TTC39B: variants seen among roughly 807,000 people sequenced by gnomAD.
The protein encoded by TTC39B is tetratricopeptide repeat protein 39B.
In TTC39B, 92 loss-of-function variants were observed where a neutral mutation model predicts 96.6. The ratio of observed to expected loss-of-function variants is 0.95; its 90% CI spans 0.80 to 1.13. The LOEUF is 1.13. TTC39B is among the 50% of genes most tolerant of loss of function. TTC39B has a pLI of 0.00. For missense variants in TTC39B, 955 were observed against 809.3 expected, an observed-to-expected ratio of 1.18 and a Z score of -2.18; for synonymous variants, 367 against 299.4, an observed-to-expected ratio of 1.23 and a Z score of -2.33.
intron 2 of TTC39B, among the ~76,000 whole-genome samples, chr9:15,231,650 C>G (rs1821429347): frequency 6.6e-6 from 1 of 152,104 alleles, no homozygotes; most frequent in African/African-American, 2.4e-5. Flanking sequence ...TACTTTTTCT[C>G]TCAATCAAAT....
intron 8 of TTC39B, among the ~76,000 whole-genome samples, chr9:15,196,524 T>C (rs1819180419): frequency 6.6e-6 from 1 of 152,114 alleles, no homozygotes; most frequent in Non-Finnish European, 1.5e-5. Context: ...ACTACAGAGG[T>C]GTTAGAAACA....
At chr9:15,293,429 G>A (rs2185938) in intron 1 of TTC39B, among the ~76,000 whole-genome samples, 134,598 of 152,200 alleles carry the variant, frequency 0.88, 59,582 homozygotes, top group East Asian at 0.97. Context: ...TGTCCAGGTG[G>A]GGGAACAGTG....
chr9:15,235,077 G>C (rs984773018), intron 2 of TTC39B, among the ~76,000 whole-genome samples: 6 of 149,922 alleles, frequency 4.0e-5, no homozygotes, highest in Non-Finnish European at 7.4e-5. Flanking sequence ...ACAAAAAACA[G>C]AACTTCTGGA....
At chr9:15,223,985 T>C (rs1820987293) in intron 3 of TTC39B, among the ~76,000 whole-genome samples, 1 of 152,220 alleles carries the variant, frequency 6.6e-6, no homozygotes, top group African/African-American at 2.4e-5. Flanking sequence ...TCTTCCTCTC[T>C]TTGACTCCTT....
At position 15,214,268 on chromosome 9, in the gene TTC39B, G is replaced by C. The variant is rs1820375488; in HGVS notation, c.372-19C>G. On this transcript the variant is annotated intron_variant, in intron 3 of 19. Coordinates refer to ENST00000512701, the Ensembl canonical transcript of TTC39B. ...TGATGAACTAAAGATCAAGAAAAAA[G>C]CACAGAGAATTTCTATAGCTTTACG... is the stretch of plus-strand genomic sequence containing the variant. The C allele has an allele frequency of 2.5e-6, 4 of 1,581,600 alleles. No individual in the cohort carries two copies. The highest frequency in any genetic ancestry group is 3.5e-6 in the Non-Finnish European group (4 of 1,153,568).
intron 7 of TTC39B, among the ~76,000 whole-genome samples, chr9:15,200,671 A>G (rs1819481784): frequency 6.6e-6 from 1 of 152,244 alleles, no homozygotes; most frequent in African/African-American, 2.4e-5. Context: ...CGTTTTGCAT[A>G]TCCAGAGAGA....
chr9:15,262,245 T>G (rs1485544779), intron 2 of TTC39B, among the ~76,000 whole-genome samples: 1 of 152,154 alleles, frequency 6.6e-6, no homozygotes, highest in African/African-American at 2.4e-5. Flanking sequence ...ATTACAGGCA[T>G]GCGCCACAAA....
rs183422409 is a variant in TTC39B, at chr9:15,229,744, T to A, written c.276-3732A>T. On this transcript the variant is annotated intron_variant, in intron 2 of 19. Coordinates refer to ENST00000512701, the Ensembl canonical transcript of TTC39B. The stretch of plus-strand genomic sequence containing the variant: ...GCATTCTTTTGTTCCATCACATATT[T>A]GCCTCTCTCTGCACTAGTCACACCG... Among the ~76,000 whole-genome samples the A allele has an allele frequency of 1.1e-3, 161 of 152,376 alleles. 1 individual carries two copies. The highest frequency in any genetic ancestry group is 3.7e-3 in the African/African-American group (153 of 41,594).
chr9:15,217,094 A>G (rs1251769092), intron 3 of TTC39B, among the ~76,000 whole-genome samples: 4 of 152,242 alleles, frequency 2.6e-5, no homozygotes, highest in African/African-American at 9.6e-5. Flanking sequence ...TGTGATGAGC[A>G]AGGCAGAGAA....
chr9:15,277,287 G>A (rs1823580490), intron 1 of TTC39B, among the ~76,000 whole-genome samples: 1 of 152,206 alleles, frequency 6.6e-6, no homozygotes, highest in Non-Finnish European at 1.5e-5. Flanking sequence ...AATTAGTTGG[G>A]CGTGGTGGCG....
chr9:15,261,354 T>C, intron 2 of TTC39B, among the ~76,000 whole-genome samples: 1 of 152,038 alleles, frequency 6.6e-6, no homozygotes, highest in Non-Finnish European at 1.5e-5. Flanking sequence ...CACCTGCCTA[T>C]AGTCCCAGCT....
At chr9:15,288,254 A>G (rs1408700996) in intron 1 of TTC39B, among the ~76,000 whole-genome samples, 1 of 152,168 alleles carries the variant, frequency 6.6e-6, no homozygotes, top group East Asian at 1.9e-4. Context: ...CCCCATTCTC[A>G]GGCCTGGAAA....
chr9:15,298,331 G>A (rs896086835), intron 1 of TTC39B, among the ~76,000 whole-genome samples: 2 of 152,242 alleles, frequency 1.3e-5, no homozygotes, highest in South Asian at 2.1e-4. Flanking sequence ...ATATGGTAGG[G>A]CTTCTCACGC....
Position 15,203,810 on chromosome 9 carries a change from A to C in TTC39B, c.759+13T>G. 2 of 1,607,838 alleles carry C rather than the reference A, an allele frequency of 1.2e-6. No individual in the cohort carries two copies. Among genetic ancestry groups the C allele is most frequent in the South Asian group, 2.2e-5 (2 of 89,780 alleles). On this transcript the variant is annotated intron_variant, in intron 7 of 19. Transcript: ENST00000512701. Reference sequence around the variant, plus strand: ...TCCCAGCCAATACGAATTCCAAGCCAAATATTCATTACCTGCACAAACGTG... The same window carrying C: ...TCCCAGCCAATACGAATTCCAAGCCCAATATTCATTACCTGCACAAACGTG...
chr9:15,234,513 C>A (rs1183516334), intron 2 of TTC39B, among the ~76,000 whole-genome samples: 6 of 147,398 alleles, frequency 4.1e-5, no homozygotes, highest in Non-Finnish European at 9.0e-5. Flanking sequence ...CTGGCCACCA[C>A]CCCGTCTGGG....
intron 3 of TTC39B, among the ~76,000 whole-genome samples, chr9:15,217,798 C>A (rs1005438139): frequency 6.6e-6 from 1 of 152,152 alleles, no homozygotes; most frequent in Non-Finnish European, 1.5e-5. Context: ...AGATGCTCAT[C>A]ATTCTGCCTC....
At chr9:15,192,027 C>A (rs1818886009) in intron 9 of TTC39B, among the ~76,000 whole-genome samples, 1 of 152,166 alleles carries the variant, frequency 6.6e-6, no homozygotes, top group Non-Finnish European at 1.5e-5. Flanking sequence ...TACCAGTCAG[C>A]CTCTTTCCCA....
rs772954781 is a variant in TTC39B at position 15,300,818 on chromosome 9, G to T, written c.240+6266C>A. 9.2e-4 allele frequency among the ~76,000 whole-genome samples: 137 copies of T among 148,692 alleles called. 1 individual carries two copies. Among genetic ancestry groups the T allele is most frequent in the Admixed American group, 1.6e-3 (24 of 14,726 alleles). Reference sequence around the variant, plus strand: ...GGAGAATCGGTTGAACCCAGGCTGTGGGGGCAGAGGTTGCAGTGAGCCGAG... The same window carrying T: ...GGAGAATCGGTTGAACCCAGGCTGTTGGGGCAGAGGTTGCAGTGAGCCGAG... On this transcript the variant is annotated intron_variant, in intron 1 of 19. Transcript: ENST00000512701.
chr9:15,304,173 A>G (rs1453980134), intron 1 of TTC39B, among the ~76,000 whole-genome samples: 1 of 152,224 alleles, frequency 6.6e-6, no homozygotes, highest in East Asian at 1.9e-4. Context: ...ACCAACTAAA[A>G]TGACTTCAAG....
Sources: gnomAD v4.1 joint callset for allele counts (sites outside exome capture counted in the v4.1 genomes callset) on GRCh38, gnomAD v4.1.1 for gene constraint, MANE v1.5 for transcripts, NCBI Gene and HGNC (gene_info 2026-07-23, HGNC 2026-07-21) for gene names.